MAGI1: variants seen among roughly 807,000 people sequenced by gnomAD.
MAGI1 encodes membrane associated guanylate kinase, WW and PDZ domain containing 1.
In MAGI1, 58 loss-of-function variants were observed where a neutral mutation model predicts 139.9. The observed-to-expected ratio is 0.41, with a 90% CI of 0.34 to 0.52. The LOEUF is 0.52. Among genes scored for constraint, MAGI1 ranks in the 20% least tolerant of loss-of-function variants. The pLI is 0.12. For synonymous variants in MAGI1, 812 were observed against 737.9 expected (o/e 1.10, Z -1.63); for missense variants, 1,874 against 1,901.6 (o/e 0.99, Z 0.27).
intron 17 of MAGI1, among the ~76,000 whole-genome samples, chr3:65,377,748 G>A (rs746030190): frequency 6.6e-6 from 1 of 152,184 alleles, no homozygotes; most frequent in Non-Finnish European, 1.5e-5. Context: ...TCCATGACAT[G>A]CTATGATGAC....
At position 65,508,815 on chromosome 3, in the gene MAGI1, G is replaced by A. The variant is rs1037437630; in HGVS notation, c.431-15184C>T. The stretch of plus-strand genomic sequence containing the variant: ...TTGTGTTTTGTTTCATGTGTATTAA[G>A]TGAGTGTCATTATCACACAATGCTT... On this transcript the variant is annotated intron_variant, in intron 2 of 22. Transcript: ENST00000402939. Among the ~76,000 whole-genome samples, 5 of 152,196 alleles carry A rather than the reference G, an allele frequency of 3.3e-5. No homozygotes were observed. In the East Asian group the frequency reaches 9.6e-4, roughly 29 times the overall value.
intron 1 of MAGI1, among the ~76,000 whole-genome samples, chr3:65,754,729 T>C (rs1003661188): frequency 2.6e-5 from 4 of 152,198 alleles, no homozygotes; most frequent in Admixed American, 6.5e-5. Flanking sequence ...AAACCAAATA[T>C]GCCAAGTTAC....
intron 5 of MAGI1, among the ~76,000 whole-genome samples, chr3:65,467,075 G>A (rs533004481): frequency 5.9e-5 from 9 of 152,150 alleles, no homozygotes; most frequent in Non-Finnish European, 8.8e-5. Flanking sequence ...GATAAATGGA[G>A]TAAAACAGAA....
chr3:65,870,807 G>A (rs781322990), intron 1 of MAGI1, among the ~76,000 whole-genome samples: 13 of 152,002 alleles, frequency 8.6e-5, no homozygotes, highest in Non-Finnish European at 1.3e-4. Flanking sequence ...TTCAGGCCGG[G>A]CATGGTGGCT....
chr3:66,027,381 G>T (rs1246411384), intron 1 of MAGI1, among the ~76,000 whole-genome samples: 3 of 152,122 alleles, frequency 2.0e-5, no homozygotes, highest in African/African-American at 7.2e-5. Flanking sequence ...ATAGCTCACT[G>T]CAGCCTCGGA....
chr3:65,419,244 A>G (rs1238043047), intron 12 of MAGI1, among the ~76,000 whole-genome samples: 7 of 152,020 alleles, frequency 4.6e-5, no homozygotes, highest in South Asian at 2.1e-4. Flanking sequence ...ACACACACAC[A>G]CAAGTGTATG....
At chr3:65,939,533 T>C (rs1417312359) in intron 1 of MAGI1, among the ~76,000 whole-genome samples, 1 of 152,188 alleles carries the variant, frequency 6.6e-6, no homozygotes, top group Non-Finnish European at 1.5e-5. Context: ...CTAACGATGG[T>C]TCATTTTCTA....
intron 2 of MAGI1, among the ~76,000 whole-genome samples, chr3:65,547,297 G>C (rs190663086): frequency 7.9e-5 from 12 of 152,296 alleles, no homozygotes; most frequent in African/African-American, 2.9e-4. Context: ...GAATGTCAGC[G>C]TAGACAGCCT....
intron 14 of MAGI1, among the ~76,000 whole-genome samples, chr3:65,387,865 G>C (rs539784587): frequency 2.6e-5 from 4 of 152,298 alleles, no homozygotes; most frequent in South Asian, 2.1e-4. Flanking sequence ...GTCTCTCCAA[G>C]GCAGGACAGA....
At chr3:65,383,773 G>A in intron 14 of MAGI1, 150 bp from the exon 15 acceptor site, 2 of 666,948 alleles carry the variant, frequency 3.0e-6, no homozygotes, top group East Asian at 2.7e-5. Flanking sequence ...ACTCTGAACA[G>A]GTGAAATAAT....
chr3:65,992,300 A>T (rs2066224655), intron 1 of MAGI1, among the ~76,000 whole-genome samples: 1 of 152,190 alleles, frequency 6.6e-6, no homozygotes, highest in African/African-American at 2.4e-5. Flanking sequence ...GGAAACAGTG[A>T]CTCACCTATA....
At position 65,912,600 on chromosome 3, in the gene MAGI1, A is replaced by T. The variant is rs372148204; in HGVS notation, c.313+125396T>A. Among the ~76,000 whole-genome samples the T allele has an allele frequency of 2.6e-5, 4 of 152,194 alleles. No homozygotes were observed. In the East Asian group the frequency reaches 5.8e-4, roughly 22 times the overall value. ...GGAAAAGGAAGACCAGCACCTGGAAAACCAATTTCACTTAAGTACCTCACC... is the reference window on the plus strand; with the variant it reads ...GGAAAAGGAAGACCAGCACCTGGAATACCAATTTCACTTAAGTACCTCACC... On this transcript the variant is annotated intron_variant, in intron 1 of 22. Transcript: ENST00000402939.
intron 1 of MAGI1, among the ~76,000 whole-genome samples, chr3:66,032,127 G>A (rs754905208): frequency 9.9e-5 from 15 of 152,162 alleles, no homozygotes; most frequent in Non-Finnish European, 2.1e-4. Flanking sequence ...GAGGAAAGAT[G>A]TTGCAAGTGG....
chr3:65,811,589 G>T (rs141528757), intron 1 of MAGI1, among the ~76,000 whole-genome samples: 63 of 152,130 alleles, frequency 4.1e-4, no homozygotes, highest in Non-Finnish European at 7.4e-4. Flanking sequence ...GTGGGTTCCT[G>T]AAACTGCAGA....
At chr3:65,389,210 T>C (rs945662051) in intron 14 of MAGI1, among the ~76,000 whole-genome samples, 1 of 152,160 alleles carries the variant, frequency 6.6e-6, no homozygotes, top group African/African-American at 2.4e-5. Context: ...ATGGCCACAT[T>C]ACATATTTTC....
At position 65,401,566 on chromosome 3, in the gene MAGI1, C is replaced by A. The variant is rs1476753878; in HGVS notation, c.2168-96G>T. 4.5e-6 allele frequency: 7 copies of A among 1,558,444 alleles called. No individual in the cohort carries two copies. The South Asian group carries it at 7.1e-5, about 16-fold the overall frequency. On this transcript the variant is annotated intron_variant, in intron 12 of 22. Coordinates refer to ENST00000402939, the MANE Select transcript of MAGI1 (RefSeq NM_001033057.2). ...AGAACAATCCCCAGGTGTTCCATGG[C>A]AACCTAGCCATCTGCAGAGTTATGT... is the stretch of plus-strand genomic sequence containing the variant.
intron 1 of MAGI1, among the ~76,000 whole-genome samples, chr3:65,942,412 G>C (rs1228756511): frequency 6.6e-6 from 1 of 152,242 alleles, no homozygotes; most frequent in East Asian, 1.9e-4. Flanking sequence ...GCCTCAAACA[G>C]ACAGTTGATC....
intron 10 of MAGI1, among the ~76,000 whole-genome samples, chr3:65,435,404 T>C (rs1021222217): frequency 2.2e-4 from 34 of 152,276 alleles, no homozygotes; most frequent in African/African-American, 7.9e-4. Context: ...CTTTACAGCT[T>C]TAATTTATTT....
At chr3:66,000,763 C>A (rs992287714) in intron 1 of MAGI1, among the ~76,000 whole-genome samples, 2 of 152,232 alleles carry the variant, frequency 1.3e-5, no homozygotes, top group Non-Finnish European at 2.9e-5. Flanking sequence ...GGCAGGGCAA[C>A]ATCCTGCATC....
Sources: gnomAD v4.1 joint callset for allele counts (sites outside exome capture counted in the v4.1 genomes callset) on GRCh38, gnomAD v4.1.1 for gene constraint, MANE v1.5 for transcripts, NCBI Gene and HGNC (gene_info 2026-07-23, HGNC 2026-07-21) for gene names.